The following GLIS3 variants were observed in gnomAD, a reference collection of about 807,000 sequenced individuals.
GLIS3 encodes the protein zinc finger protein GLIS3.
Under a neutral mutation model 78.6 loss-of-function variants are expected in GLIS3, and 53 were observed. That is an observed-to-expected ratio of 0.67 (90% CI 0.54 to 0.85). GLIS3 has a LOEUF of 0.85. Ranked by LOEUF, GLIS3 falls within the 40% of genes least tolerant of loss-of-function variation. The pLI is 0.00. For synonymous variants in GLIS3, 684 were observed against 509.9 expected (o/e 1.34, Z -4.60); for missense variants, 1,703 against 1,231.1 (o/e 1.38, Z -5.74).
intron 2 of GLIS3, among the ~76,000 whole-genome samples, chr9:4,141,521 C>G (rs1833813921): frequency 1.3e-5 from 2 of 152,212 alleles, no homozygotes; most frequent in Non-Finnish European, 2.9e-5. Flanking sequence ...TACAAACACC[C>G]TGGGATTCTG....
intron 9 of GLIS3, among the ~76,000 whole-genome samples, chr9:3,833,098 C>G (rs1475849129): frequency 6.6e-6 from 1 of 152,198 alleles, no homozygotes; most frequent in Non-Finnish European, 1.5e-5. Flanking sequence ...TGGGCTTCAT[C>G]TCCTAGTCTG....
chr9:3,911,109 C>T (rs1313047136), intron 6 of GLIS3, among the ~76,000 whole-genome samples: 2 of 151,876 alleles, frequency 1.3e-5, no homozygotes, highest in African/African-American at 2.4e-5. Flanking sequence ...TTCTTCCTTC[C>T]TTCCTTCCTT....
intron 4 of GLIS3, among the ~76,000 whole-genome samples, chr9:4,041,554 T>C (rs148611596): frequency 6.6e-6 from 1 of 152,354 alleles, no homozygotes; most frequent in East Asian, 1.9e-4. Context: ...TGTGATGTTA[T>C]CAGGTGCCTA....
At chr9:4,012,150 T>A (rs1374161514) in intron 4 of GLIS3, among the ~76,000 whole-genome samples, 2 of 152,172 alleles carry the variant, frequency 1.3e-5, no homozygotes, top group African/African-American at 4.8e-5. Context: ...TAAACCACCA[T>A]CCCATTACCT....
intron 4 of GLIS3, among the ~76,000 whole-genome samples, chr9:4,077,360 G>C (rs1828166034): frequency 6.6e-6 from 1 of 152,152 alleles, no homozygotes; most frequent in African/African-American, 2.4e-5. Flanking sequence ...CTGAGAAACT[G>C]GCATCTGTCC....
At chr9:4,385,816 A>G in the GLIS3 span, among the ~76,000 whole-genome samples, 462 of 42,058 alleles carry the variant, frequency 0.011, 4 homozygotes, top group African/African-American at 0.04. Context: ...AAAGAAAAGA[A>G]AGAAAGAGAA....
At chr9:3,942,659 G>C (rs541451953) in intron 4 of GLIS3, among the ~76,000 whole-genome samples, 1 of 152,330 alleles carries the variant, frequency 6.6e-6, no homozygotes, top group African/African-American at 2.4e-5. Flanking sequence ...CTTCTTTCTA[G>C]AGCAGGCTTC....
chr9:3,833,880 C>A (rs1486085101), intron 9 of GLIS3, among the ~76,000 whole-genome samples: 5 of 152,148 alleles, frequency 3.3e-5, no homozygotes, highest in African/African-American at 1.2e-4. Context: ...AGAATCATTC[C>A]TCCTTCTCTC....
chr9:4,178,274 C>T (rs965622018), intron 2 of GLIS3, among the ~76,000 whole-genome samples: 1 of 151,884 alleles, frequency 6.6e-6, no homozygotes, highest in Non-Finnish European at 1.5e-5. Flanking sequence ...TTTACTCTGC[C>T]ACCGTGCCTA....
chr9:4,269,559 C>G (rs948082752), intron 2 of GLIS3, among the ~76,000 whole-genome samples: 1 of 152,128 alleles, frequency 6.6e-6, no homozygotes, highest in African/African-American at 2.4e-5. Flanking sequence ...CAGAATTTTA[C>G]CTGATTTCAT....
chr9:4,185,950 G>A (rs1817748297), intron 2 of GLIS3, among the ~76,000 whole-genome samples: 2 of 151,990 alleles, frequency 1.3e-5, no homozygotes, highest in Non-Finnish European at 2.9e-5. Flanking sequence ...ATACATATCT[G>A]GCGCAGTGTG....
At chr9:4,409,039 T>C in the GLIS3 span, among the ~76,000 whole-genome samples, 5 of 152,112 alleles carry the variant, frequency 3.3e-5, no homozygotes, top group Admixed American at 1.3e-4. Context: ...ACACACACTC[T>C]TTTAAATTGG....
At chr9:3,855,345 C>T (rs952422362) in intron 9 of GLIS3, 5 of 153,820 alleles carry the variant, frequency 3.3e-5, no homozygotes, top group African/African-American at 9.6e-5. Context: ...AAGTATCTGT[C>T]TCTTTGCCAC....
rs376836979 is a variant in GLIS3, at chr9:3,990,859, T to C, written c.1711-53670A>G. On this transcript the variant is annotated intron_variant, in intron 4 of 10. Coordinates refer to ENST00000381971, the MANE Select transcript of GLIS3 (RefSeq NM_001042413.2). ...GACAGAACTGATTTTCTCCCTCTCTTCCAAAATATACAGGTTCATCCCTGA... is the reference window on the plus strand; with the variant it reads ...GACAGAACTGATTTTCTCCCTCTCTCCCAAAATATACAGGTTCATCCCTGA... Among the ~76,000 whole-genome samples the C allele has an allele frequency of 3.9e-5, 6 of 152,158 alleles. No individual in the cohort carries two copies. The East Asian group carries it at 5.8e-4, about 15-fold the overall frequency.
At chr9:4,401,385 G>A in the GLIS3 span, among the ~76,000 whole-genome samples, 1 of 151,444 alleles carries the variant, frequency 6.6e-6, no homozygotes, top group African/African-American at 2.4e-5. Flanking sequence ...TCAGCCTCCC[G>A]ATTAGCTGGG....
At chr9:4,071,251 A>T (rs1827579971) in intron 4 of GLIS3, 1 of 152,274 alleles carries the variant, frequency 6.6e-6, no homozygotes, top group East Asian at 1.9e-4. Flanking sequence ...CTGTTATGTA[A>T]CCATTGGGCC....
the GLIS3 span, among the ~76,000 whole-genome samples, chr9:4,418,167 A>G: frequency 1.3e-5 from 2 of 152,206 alleles, no homozygotes; most frequent in Non-Finnish European, 2.9e-5. Context: ...TCCTGAACAA[A>G]TGTACTGGAT....
chr9:4,004,901 C>T (rs369474070), intron 4 of GLIS3, among the ~76,000 whole-genome samples: 24 of 152,166 alleles, frequency 1.6e-4, no homozygotes, highest in African/African-American at 5.6e-4. Context: ...ATTGTTTCAA[C>T]AATGGCATAC....
At chr9:4,355,875 G>C in the GLIS3 span, among the ~76,000 whole-genome samples, 1 of 152,146 alleles carries the variant, frequency 6.6e-6, no homozygotes, top group Non-Finnish European at 1.5e-5. Flanking sequence ...GGGGCATGTG[G>C]GAAAGTCCTG....
Sources: gnomAD v4.1 joint callset for allele counts (sites outside exome capture counted in the v4.1 genomes callset) on GRCh38, gnomAD v4.1.1 for gene constraint, MANE v1.5 for transcripts, NCBI Gene and HGNC (gene_info 2026-07-23, HGNC 2026-07-21) for gene names.